Variants in CBLN2 observed in about 807,000 individuals in gnomAD.
CBLN2 encodes the protein cerebellin-2.
A neutral mutation model predicts 15.0 loss-of-function variants in CBLN2; 7 were observed. The ratio of observed to expected loss-of-function variants is 0.47; its 90% CI spans 0.27 to 0.88. The LOEUF (loss-of-function observed/expected upper bound fraction) is 0.88, where lower values mean the gene tolerates loss of function less well. Among genes scored for constraint, CBLN2 ranks in the 40% least tolerant of loss-of-function variants. The pLI is 0.14. For missense variants in CBLN2, 242 were observed against 304.5 expected (o/e 0.79, Z 1.53); for synonymous variants, 149 against 135.2 (o/e 1.10, Z -0.71).
At chr18:72,628,335 C>T (rs944811285) in intron 1 of CBLN2, among the ~76,000 whole-genome samples, 1 of 152,138 alleles carries the variant, frequency 6.6e-6, no homozygotes, top group South Asian at 2.1e-4. Flanking sequence ...GAGTTTAGTA[C>T]ATAGGATGTT....
intron 1 of CBLN2, among the ~76,000 whole-genome samples, chr18:72,586,302 C>A (rs2069442798): frequency 6.6e-6 from 1 of 152,192 alleles, no homozygotes; most frequent in African/African-American, 2.4e-5. Flanking sequence ...ATAACTGTGG[C>A]TGGCTTTTTC....
intron 1 of CBLN2, among the ~76,000 whole-genome samples, chr18:72,580,487 T>C (rs1406450755): frequency 6.6e-6 from 1 of 152,152 alleles, no homozygotes; most frequent in Non-Finnish European, 1.5e-5. Context: ...ATCTGAATAT[T>C]ATGGCATCAA....
chr18:72,602,170 T>C (rs2069553325), intron 1 of CBLN2, among the ~76,000 whole-genome samples: 1 of 152,208 alleles, frequency 6.6e-6, no homozygotes, highest in African/African-American at 2.4e-5. Context: ...GTGGGACTTT[T>C]AGATGTTGGT....
chr18:72,549,745 G>T (rs941259345), intron 1 of CBLN2, among the ~76,000 whole-genome samples: 13 of 152,136 alleles, frequency 8.5e-5, no homozygotes, highest in African/African-American at 2.9e-4. Context: ...AGGAGAAATG[G>T]CTTTCTAAAG....
chr18:72,606,208 A>G (rs1226474565), intron 1 of CBLN2, among the ~76,000 whole-genome samples: 1 of 152,190 alleles, frequency 6.6e-6, no homozygotes, highest in African/African-American at 2.4e-5. Flanking sequence ...CAAATCCAGT[A>G]CAACTGCAAC....
At chr18:72,574,356 A>G (rs549400953) in intron 1 of CBLN2, among the ~76,000 whole-genome samples, 18 of 152,248 alleles carry the variant, frequency 1.2e-4, no homozygotes, top group Admixed American at 5.2e-4. Context: ...GGTCATTTCA[A>G]TTTTCTCCCA....
chr18:72,621,881 T>C (rs1312530723), intron 1 of CBLN2, among the ~76,000 whole-genome samples: 2 of 152,076 alleles, frequency 1.3e-5, no homozygotes, highest in African/African-American at 4.8e-5. Context: ...AAAAAAACAG[T>C]TTTTCAGTTG....
intron 1 of CBLN2, among the ~76,000 whole-genome samples, chr18:72,580,620 G>T (rs948213177): frequency 2.6e-5 from 4 of 151,900 alleles, no homozygotes; most frequent in Non-Finnish European, 4.4e-5. Context: ...TTCATCATTT[G>T]TTCACATTAA....
intron 1 of CBLN2, among the ~76,000 whole-genome samples, chr18:72,612,648 A>G (rs1485966211): frequency 6.6e-6 from 1 of 152,158 alleles, no homozygotes; most frequent in African/African-American, 2.4e-5. Flanking sequence ...AATTCTGTCA[A>G]TTGCTTTAAG....
intron 1 of CBLN2, among the ~76,000 whole-genome samples, chr18:72,622,459 G>A (rs2069707630): frequency 6.6e-6 from 1 of 152,070 alleles, no homozygotes; most frequent in African/African-American, 2.4e-5. Flanking sequence ...CCTTATGGGT[G>A]AGTAAGAAAA....
At chr18:72,560,882 G>T (rs900829450) in intron 1 of CBLN2, among the ~76,000 whole-genome samples, 12 of 152,022 alleles carry the variant, frequency 7.9e-5, no homozygotes, top group Admixed American at 3.3e-4. Flanking sequence ...GGTGGTGGGC[G>T]CCTGTGGTCC....
intron 1 of CBLN2, among the ~76,000 whole-genome samples, chr18:72,589,952 G>A (rs542752230): frequency 7.9e-5 from 12 of 152,142 alleles, no homozygotes; most frequent in Admixed American, 2.0e-4. Context: ...GGTCAACATG[G>A]TGAAACCCTA....
At chr18:72,581,359 A>G (rs935142737) in intron 1 of CBLN2, among the ~76,000 whole-genome samples, 2 of 152,230 alleles carry the variant, frequency 1.3e-5, no homozygotes, top group Non-Finnish European at 2.9e-5. Flanking sequence ...TCAATATATG[A>G]GAATTTTATG....
intron 3 of CBLN2, chr18:72,539,445 G>A (rs537107699): frequency 6.6e-6 from 1 of 152,372 alleles, no homozygotes; most frequent in African/African-American, 2.4e-5. Flanking sequence ...TGCTACTCCT[G>A]TTTTTCCTTA....
chr18:72,634,477 TAA>T (rs2144983204), intron 1 of CBLN2, among the ~76,000 whole-genome samples: 1 of 152,206 alleles, frequency 6.6e-6, no homozygotes, highest in East Asian at 1.9e-4. Flanking sequence ...TAATAATTAT[TAA>T]AATTATAATA....
At chr18:72,615,193 AAT>A (rs1568132534) in intron 1 of CBLN2, among the ~76,000 whole-genome samples, 1 of 137,072 alleles carries the variant, frequency 7.3e-6, no homozygotes, top group Non-Finnish European at 1.5e-5. Context: ...ATTATATATA[AAT>A]ATATATTTAT....
chr18:72,561,310 T>C (rs929641104), intron 1 of CBLN2, among the ~76,000 whole-genome samples: 13 of 151,424 alleles, frequency 8.6e-5, no homozygotes, highest in Non-Finnish European at 1.6e-4. Flanking sequence ...AGAAGTTAAT[T>C]TTCAAACCAG....
rs557409842 is a variant in CBLN2, at chr18:72,618,655, A to G, written c.15+19670T>C. The G allele has an allele frequency of 5.8e-5, 50 of 864,678 alleles. No homozygotes were observed. The South Asian group carries it at 6.1e-4, about 11-fold the overall frequency. 53.6% of individuals were successfully genotyped at this position (864,678 alleles called of 1,614,324 possible). A position where few individuals can be genotyped will look rare whatever the true frequency, so the allele number is the denominator to read the frequency against. ...AGATTATTTTGAACAGTCTGGAAAA[A>G]TCGAAGTGATTGAACTCATGACCGA... On this transcript the variant is annotated intron_variant, in intron 1 of 2. Transcript: ENST00000581073.
Position 72,615,233 on chromosome 18 carries a change from TTA to T in CBLN2, c.15+23090_15+23091del, listed in dbSNP as rs1393084860. ...ATGTGTATATATATGTACATATATA[TTA>T]TATATATAAATATATATTTATATAT... On this transcript the variant is annotated intron_variant, in intron 1 of 2. Coordinates refer to the CBLN2 transcript ENST00000581073. Among the ~76,000 whole-genome samples the T allele has an allele frequency of 4.0e-4, 54 of 134,198 alleles. No individual in the cohort carries two copies. In the East Asian group the frequency reaches 4.8e-3, roughly 12 times the overall value. The allele number at this position is 134,198 out of a possible 152,430, so 88.0% of individuals were successfully genotyped here.
Sources: allele counts gnomAD v4.1 joint callset (sites outside exome capture counted in the v4.1 genomes callset), GRCh38; gene constraint gnomAD v4.1.1; transcripts MANE v1.5; gene names NCBI Gene and HGNC (gene_info 2026-07-23, HGNC 2026-07-21).